The following PDPN variants were observed in gnomAD, a reference collection of about 807,000 sequenced individuals.
PDPN encodes podoplanin.
PDPN carries 12 observed loss-of-function variants against 23.2 expected under a neutral mutation model. The ratio of observed to expected loss-of-function variants is 0.52; its 90% CI spans 0.33 to 0.84. PDPN has a LOEUF of 0.84. Ranked by LOEUF, PDPN falls within the 40% of genes least tolerant of loss-of-function variation. PDPN has a pLI of 0.02. For synonymous variants in PDPN, 77 were observed against 76.7 expected, an observed-to-expected ratio of 1.00 and a Z score of -0.02; for missense variants, 199 against 212.2, an observed-to-expected ratio of 0.94 and a Z score of 0.39.
intron 1 of PDPN, among the ~76,000 whole-genome samples, chr1:13,604,009 G>C (rs1640716708): frequency 6.6e-6 from 1 of 152,182 alleles, no homozygotes; most frequent in African/African-American, 2.4e-5. Flanking sequence ...GGCAGGAAAG[G>C]GTGTTTATGT....
intron 1 of PDPN, chr1:13,595,854 A>G: frequency 7.8e-7 from 1 of 1,287,966 alleles, no homozygotes. Flanking sequence ...CTCGGGGGTG[A>G]AGCCTGGTGG....
rs3060293 is a variant in PDPN at position 13,617,741 on chromosome 1, C to CTT, written c.*1831_*1832insTT. 0.98 allele frequency: 150,006 copies of CTT among 152,334 alleles called. 73,871 individuals are homozygous for CTT. The highest frequency in any genetic ancestry group is 1 in the East Asian group (5,144 of 5,144). The allele number at this position is 152,334 out of a possible 1,614,324, so 9.4% of individuals were successfully genotyped here. A position where few individuals can be genotyped will look rare whatever the true frequency, so the allele number is the denominator to read the frequency against. Reference sequence around the variant, plus strand: ...AGAAGAGCTGGATGAGTTTAAATAACTCATTGTTCAGATTCCTGAACAGGA... The same window carrying CTT: ...AGAAGAGCTGGATGAGTTTAAATAACTTTCATTGTTCAGATTCCTGAACAGGA... On this transcript the variant is annotated 3_prime_UTR_variant, in exon 6 of 6. Coordinates refer to ENST00000621990, the MANE Select transcript of PDPN (RefSeq NM_006474.5).
At chr1:13,587,166 T>C (rs1457373493) in intron 1 of PDPN, among the ~76,000 whole-genome samples, 1 of 152,262 alleles carries the variant, frequency 6.6e-6, no homozygotes, top group Non-Finnish European at 1.5e-5. Flanking sequence ...TTCCTTTACA[T>C]TAAATGCTCC....
At chr1:13,612,685 GC>G (rs1640964856) in intron 3 of PDPN, among the ~76,000 whole-genome samples, 1 of 152,136 alleles carries the variant, frequency 6.6e-6, no homozygotes, top group Admixed American at 6.6e-5. Context: ...CTACCCTGGG[GC>G]CATCTTGTGG....
In PDPN at chr1:13,589,857, T is replaced by G. The variant is rs1446493201; in HGVS notation, c.67+5757T>G. On this transcript the variant is annotated intron_variant, in intron 1 of 5. Coordinates refer to ENST00000621990, the MANE Select transcript of PDPN (RefSeq NM_006474.5). ...TTGATTGATCGATTGAGATGGAGTC[T>G]TGCTCTGTCGCCCAGGCTGGAGTGC... 2.6e-5 allele frequency among the ~76,000 whole-genome samples: 4 copies of G among 152,314 alleles called. No homozygotes were observed. In the East Asian group the frequency reaches 7.7e-4, roughly 29 times the overall value.
At chr1:13,591,220 G>A (rs954528832) in intron 1 of PDPN, among the ~76,000 whole-genome samples, 4 of 152,264 alleles carry the variant, frequency 2.6e-5, no homozygotes, top group East Asian at 1.9e-4. Flanking sequence ...GATTACAGGC[G>A]TGAGCCACCA....
At chr1:13,614,950 CTT>C in intron 5 of PDPN, 5 of 377,954 alleles carry the variant, frequency 1.3e-5, no homozygotes, top group East Asian at 8.0e-5. Flanking sequence ...CATTTGATCT[CTT>C]GTTTTAATTT....
At chr1:13,607,974 G>T (rs775922156) in intron 2 of PDPN, among the ~76,000 whole-genome samples, 2 of 152,086 alleles carry the variant, frequency 1.3e-5, no homozygotes, top group Admixed American at 6.6e-5. Flanking sequence ...GCGTGGCTGT[G>T]TGCACCTGTG....
intron 1 of PDPN, among the ~76,000 whole-genome samples, chr1:13,599,620 GTGATCCGT>G (rs1640592203): frequency 2.0e-5 from 3 of 152,036 alleles, no homozygotes; most frequent in Admixed American, 2.0e-4. Flanking sequence ...CCGACCTCAA[GTGATCCGT>G]CTACCTTGGC....
intron 1 of PDPN, chr1:13,595,890 A>G (rs1640482927): frequency 1.6e-6 from 2 of 1,287,850 alleles, no homozygotes; most frequent in African/African-American, 1.5e-5. Flanking sequence ...TCATAAATAC[A>G]GAAGATAATT....
intron 1 of PDPN, chr1:13,584,379 A>G: frequency 7.3e-7 from 1 of 1,368,296 alleles, no homozygotes; most frequent in Non-Finnish European, 9.7e-7. Context: ...AGTCGGCAGC[A>G]CCAGAGAGAT....
intron 1 of PDPN, among the ~76,000 whole-genome samples, chr1:13,591,983 G>C (rs1181513134): frequency 6.6e-6 from 1 of 152,178 alleles, no homozygotes. Flanking sequence ...CTCTTTCTCT[G>C]TGTGTGTGTT....
intron 1 of PDPN, among the ~76,000 whole-genome samples, chr1:13,594,980 G>A (rs1197013378): frequency 6.7e-6 from 1 of 148,872 alleles, no homozygotes; most frequent in African/African-American, 2.5e-5. Flanking sequence ...GGGCGACAGA[G>A]CGAGACTCCT....
rs1301159414 is a variant in PDPN at position 13,614,607 on chromosome 1, A to G, written c.482+196A>G. 17 of 511,102 alleles carry G rather than the reference A, an allele frequency of 3.3e-5. No homozygotes were observed. The Admixed American group carries it at 5.3e-4, about 16-fold the overall frequency. The allele number at this position is 511,102 out of a possible 1,614,324, so 31.7% of individuals were successfully genotyped here. ...GTCTCAAAAAAATAATCTCTGGTACAATGGTCATGTTCCAAAGTTCCTTAC... is the reference window on the plus strand; with the variant it reads ...GTCTCAAAAAAATAATCTCTGGTACGATGGTCATGTTCCAAAGTTCCTTAC... On this transcript the variant is annotated intron_variant, in intron 5 of 5. Transcript: ENST00000621990.
At chr1:13,594,220 T>C (rs983969981) in intron 1 of PDPN, among the ~76,000 whole-genome samples, 1 of 152,236 alleles carries the variant, frequency 6.6e-6, no homozygotes, top group Non-Finnish European at 1.5e-5. Flanking sequence ...AACTTGTAGA[T>C]GCTGGTGGGG....
intron 1 of PDPN, among the ~76,000 whole-genome samples, chr1:13,598,643 C>A (rs915833966): frequency 6.6e-6 from 1 of 152,052 alleles, no homozygotes; most frequent in Non-Finnish European, 1.5e-5. Flanking sequence ...TTCTACCGAA[C>A]CACCGCTCCA....
intron 5 of PDPN, chr1:13,614,938 C>G: frequency 2.5e-6 from 1 of 403,002 alleles, no homozygotes; most frequent in South Asian, 1.9e-5. Context: ...GAGATCTGAC[C>G]ACATTTGATC....
intron 5 of PDPN, 51 bp downstream of exon 5, chr1:13,614,462 C>T (rs1156334918): frequency 1.1e-6 from 1 of 939,956 alleles, no homozygotes; most frequent in East Asian, 2.4e-5. Flanking sequence ...GCCATCGTGT[C>T]TAGAACTCAA....
chr1:13,600,467 C>T (rs1440088119), intron 1 of PDPN, among the ~76,000 whole-genome samples: 2 of 151,784 alleles, frequency 1.3e-5, no homozygotes. Context: ...TCGGTTCAAG[C>T]GATTCTCCTG....
Sources: gnomAD v4.1 joint callset for allele counts (sites outside exome capture counted in the v4.1 genomes callset) on GRCh38, gnomAD v4.1.1 for gene constraint, MANE v1.5 for transcripts, NCBI Gene and HGNC (gene_info 2026-07-23, HGNC 2026-07-21) for gene names.